GABRA2: variants seen among roughly 807,000 people sequenced by gnomAD.
The protein encoded by GABRA2 is gamma-aminobutyric acid receptor subunit alpha-2.
A neutral mutation model predicts 48.7 loss-of-function variants in GABRA2; 16 were observed. The observed-to-expected ratio is 0.33, with a 90% CI of 0.22 to 0.50. GABRA2 has a LOEUF of 0.50. Among genes scored for constraint, GABRA2 ranks in the 20% least tolerant of loss-of-function variants. The pLI is 0.98. For missense variants in GABRA2, 275 were observed against 535.6 expected (o/e 0.51, Z 4.80); for synonymous variants, 185 against 184.5 (o/e 1.00, Z -0.02).
intron 8 of GABRA2, among the ~76,000 whole-genome samples, chr4:46,277,236 C>T (rs1720677393): frequency 6.6e-6 from 1 of 152,102 alleles, no homozygotes; most frequent in African/African-American, 2.4e-5. Flanking sequence ...ATGTATTTTG[C>T]TTCAGACACT....
chr4:46,310,258 A>C lies in GABRA2; in HGVS notation c.477-3T>G, dbSNP rs2109676101. 6.2e-7 allele frequency: 1 copy of C among 1,612,076 alleles called. No individual in the cohort carries two copies. The highest frequency in any genetic ancestry group is 1.1e-5 in the South Asian group (1 of 91,016). On this transcript the variant is annotated splice_polypyrimidine_tract_variant and splice_region_variant and intron_variant, in intron 5 of 9. Transcript: ENST00000381620. ...GGCATTCAGCTTGAACTGTAAGCCT[A>C]AAAGTCAAAATTTCACTATTTGTTT...
chr4:46,369,248 G>A lies in GABRA2; in HGVS notation c.187+16826C>T, dbSNP rs543088886. Among the ~76,000 whole-genome samples, 13 of 152,166 alleles carry A rather than the reference G, an allele frequency of 8.5e-5. No individual in the cohort carries two copies. The East Asian group carries it at 1.2e-3, about 14-fold the overall frequency. On this transcript the variant is annotated intron_variant, in intron 3 of 9. Coordinates refer to ENST00000381620, the MANE Select transcript of GABRA2 (RefSeq NM_000807.4). ...CCCTGTAATCAGGGAAGCTATTACC[G>A]AATTTCATTGAGCTACTGTCATTGG...
chr4:46,306,182 C>T (rs1375598325), intron 6 of GABRA2, among the ~76,000 whole-genome samples: 1 of 152,130 alleles, frequency 6.6e-6, no homozygotes, highest in Admixed American at 6.5e-5. Flanking sequence ...TAATACAATG[C>T]ATTTCATTAG....
chr4:46,361,962 C>T (rs191830115), intron 3 of GABRA2, among the ~76,000 whole-genome samples: 1 of 152,258 alleles, frequency 6.6e-6, no homozygotes, highest in East Asian at 1.9e-4. Flanking sequence ...ATGCCTGTAC[C>T]CACTATTGTA....
intron 8 of GABRA2, among the ~76,000 whole-genome samples, chr4:46,276,646 T>C (rs1462586737): frequency 6.6e-6 from 1 of 151,064 alleles, no homozygotes; most frequent in Non-Finnish European, 1.5e-5. Flanking sequence ...AATGATGTAA[T>C]AGAAAAAGTG....
chr4:46,266,908 G>A (rs1482530006), intron 8 of GABRA2, among the ~76,000 whole-genome samples: 1 of 151,700 alleles, frequency 6.6e-6, no homozygotes, highest in African/African-American at 2.4e-5. Flanking sequence ...ATTTTTAGTA[G>A]AGACGGGGTT....
chr4:46,276,641 T>C (rs1411828057), intron 8 of GABRA2, among the ~76,000 whole-genome samples: 1 of 151,574 alleles, frequency 6.6e-6, no homozygotes, highest in Non-Finnish European at 1.5e-5. Context: ...GTCATAATGA[T>C]GTAATAGAAA....
intron 9 of GABRA2, chr4:46,256,136 C>T (rs2109403732): frequency 6.5e-6 from 3 of 459,246 alleles, no homozygotes; most frequent in East Asian, 6.6e-5. Flanking sequence ...GCTCATTGGT[C>T]AGATAATGCT....
intron 8 of GABRA2, among the ~76,000 whole-genome samples, chr4:46,273,433 T>G: frequency 1.1e-5 from 1 of 93,902 alleles, no homozygotes; most frequent in Admixed American, 1.0e-4. Context: ...ACACTGCAGA[T>G]ATATTTAGAC....
chr4:46,281,132 T>C (rs1338599387), intron 8 of GABRA2, among the ~76,000 whole-genome samples: 1 of 152,188 alleles, frequency 6.6e-6, no homozygotes, highest in African/African-American at 2.4e-5. Context: ...GTCTAGGGTA[T>C]GAGCAAAGCT....
At chr4:46,326,031 T>A (rs971062182) in intron 4 of GABRA2, among the ~76,000 whole-genome samples, 1 of 152,034 alleles carries the variant, frequency 6.6e-6, no homozygotes, top group African/African-American at 2.4e-5. Context: ...TTCTTTTGCT[T>A]AGATTTGCTT....
At chr4:46,363,503 C>A (rs1044813965) in intron 3 of GABRA2, among the ~76,000 whole-genome samples, 1 of 151,956 alleles carries the variant, frequency 6.6e-6, no homozygotes, top group Non-Finnish European at 1.5e-5. Flanking sequence ...CATACTAATA[C>A]TACTAAAAAA....
At chr4:46,369,104 G>A in intron 3 of GABRA2, 2 of 655,918 alleles carry the variant, frequency 3.0e-6, no homozygotes, top group Non-Finnish European at 5.6e-6. Context: ...AAATAGGGTA[G>A]GGCTAGGTTA....
In GABRA2 at chr4:46,348,523, G is replaced by C. The variant is rs200687888; in HGVS notation, c.188-15841C>G. 4.1e-3 allele frequency among the ~76,000 whole-genome samples: 625 copies of C among 151,866 alleles called. 11 individuals carry two copies. The highest frequency in any genetic ancestry group is 0.041 in the East Asian group (210 of 5,106). On this transcript the variant is annotated intron_variant, in intron 3 of 9. Coordinates refer to ENST00000381620, the MANE Select transcript of GABRA2 (RefSeq NM_000807.4). ...CACAATAGCAAAGACTTGGAACCAA[G>C]CCAAATGTCCAACAACGATAGACTG...
At chr4:46,360,829 T>C (rs1286196480) in intron 3 of GABRA2, among the ~76,000 whole-genome samples, 1 of 152,174 alleles carries the variant, frequency 6.6e-6, no homozygotes, top group African/African-American at 2.4e-5. Flanking sequence ...GTGGTCTCAG[T>C]TGAAGATGAG....
intron 4 of GABRA2, among the ~76,000 whole-genome samples, chr4:46,327,057 A>T (rs972966468): frequency 6.6e-6 from 1 of 151,870 alleles, no homozygotes; most frequent in Admixed American, 6.6e-5. Context: ...CCCTGGGCCA[A>T]TCCACTTTCA....
At chr4:46,285,771 T>C (rs895342868) in intron 8 of GABRA2, among the ~76,000 whole-genome samples, 1 of 152,082 alleles carries the variant, frequency 6.6e-6, no homozygotes, top group Non-Finnish European at 1.5e-5. Flanking sequence ...AATCTTGTTT[T>C]TTTTTAAGTC....
At chr4:46,286,128 C>T (rs781504342) in intron 8 of GABRA2, among the ~76,000 whole-genome samples, 3 of 151,616 alleles carry the variant, frequency 2.0e-5, no homozygotes, top group Non-Finnish European at 4.4e-5. Context: ...CACTCCTATC[C>T]ACTGGCAACC....
At chr4:46,355,984 G>T (rs1012055169) in intron 3 of GABRA2, among the ~76,000 whole-genome samples, 1 of 152,034 alleles carries the variant, frequency 6.6e-6, no homozygotes, top group African/African-American at 2.4e-5. Context: ...TCTTCAAGAG[G>T]CATGTGGACT....
Sources: gnomAD v4.1 joint callset for allele counts (sites outside exome capture counted in the v4.1 genomes callset) on GRCh38, gnomAD v4.1.1 for gene constraint, MANE v1.5 for transcripts, NCBI Gene and HGNC (gene_info 2026-07-23, HGNC 2026-07-21) for gene names.